The following ELMO1 variants were observed in gnomAD, a reference collection of about 807,000 sequenced individuals.
ELMO1 encodes engulfment and cell motility protein 1.
ELMO1 carries 26 observed loss-of-function variants against 98.9 expected under a neutral mutation model. The ratio of observed to expected loss-of-function variants is 0.26; its 90% confidence interval spans 0.19 to 0.36. The LOEUF (loss-of-function observed/expected upper bound fraction) is 0.36, where lower values mean the gene tolerates loss of function less well. Among genes scored for constraint, ELMO1 ranks in the 10% least tolerant of loss-of-function variants. ELMO1 has a pLI of 1.00. For missense variants in ELMO1, 627 were observed against 935.2 expected, an observed-to-expected ratio of 0.67 and a Z score of 4.30; for synonymous variants, 346 against 346.0, an observed-to-expected ratio of 1.00 and a Z score of 0.00.
intron 16 of ELMO1, among the ~76,000 whole-genome samples, chr7:36,980,484 T>G (rs1790953760): frequency 6.6e-6 from 1 of 152,236 alleles, no homozygotes; most frequent in Non-Finnish European, 1.5e-5. Flanking sequence ...AGTTTACCCA[T>G]GTAAAGTTGC....
intron 13 of ELMO1, among the ~76,000 whole-genome samples, chr7:37,210,156 C>T: frequency 6.6e-6 from 1 of 151,930 alleles, no homozygotes; most frequent in Admixed American, 6.6e-5. Context: ...AGCAATTAGA[C>T]AGTATCAAAA....
intron 15 of ELMO1, chr7:37,033,492 TAAA>T (rs35858298): frequency 0.017 from 6,590 of 378,220 alleles, 51 homozygotes; most frequent in Middle Eastern, 0.029. Context: ...TGTTTAGTGT[TAAA>T]AAAAAAAAAA....
chr7:37,043,245 A>G (rs571724594), intron 15 of ELMO1, among the ~76,000 whole-genome samples: 13 of 152,316 alleles, frequency 8.5e-5, no homozygotes, highest in African/African-American at 3.1e-4. Flanking sequence ...AAGCCATAAG[A>G]AAGCCTAAGT....
chr7:37,203,998 G>A (rs1484043381), intron 13 of ELMO1: 1 of 432,718 alleles, frequency 2.3e-6, no homozygotes, highest in South Asian at 1.7e-5. Flanking sequence ...CTTTAGTCTG[G>A]CAGCCACGCT....
chr7:36,907,952 T>C (rs1234539378), intron 16 of ELMO1, among the ~76,000 whole-genome samples: 1 of 152,196 alleles, frequency 6.6e-6, no homozygotes, highest in Non-Finnish European at 1.5e-5. Context: ...ACAGGACGGG[T>C]CAATAACTTT....
intron 15 of ELMO1, among the ~76,000 whole-genome samples, chr7:37,083,072 G>A (rs144289967): frequency 3.3e-5 from 5 of 152,262 alleles, no homozygotes; most frequent in East Asian, 1.9e-4. Context: ...GCATTTCCCC[G>A]CCTAGGAACA....
At chr7:36,893,396 G>A (rs929806418) in intron 17 of ELMO1, among the ~76,000 whole-genome samples, 5 of 152,120 alleles carry the variant, frequency 3.3e-5, no homozygotes, top group Admixed American at 2.0e-4. Context: ...CCCCAGTGGT[G>A]CCTCTTGTCA....
intron 15 of ELMO1, among the ~76,000 whole-genome samples, chr7:37,035,533 A>G (rs1458169975): frequency 1.3e-5 from 2 of 152,318 alleles, no homozygotes; most frequent in Non-Finnish European, 1.5e-5. Context: ...CTTTTTTACA[A>G]TGGTCCTTAT....
intron 16 of ELMO1, among the ~76,000 whole-genome samples, chr7:36,961,638 C>A (rs889516203): frequency 6.6e-6 from 1 of 152,144 alleles, no homozygotes; most frequent in African/African-American, 2.4e-5. Context: ...AAATCTTTTT[C>A]TTTTTCTTAA....
At chr7:37,136,512 T>G (rs1455640985) in intron 13 of ELMO1, among the ~76,000 whole-genome samples, 1 of 152,088 alleles carries the variant, frequency 6.6e-6, no homozygotes, top group East Asian at 1.9e-4. Flanking sequence ...CCTATCAAAT[T>G]AACAGCAGAT....
At chr7:37,378,062 A>G (rs998511584) in intron 1 of ELMO1, among the ~76,000 whole-genome samples, 5 of 152,178 alleles carry the variant, frequency 3.3e-5, no homozygotes, top group African/African-American at 7.2e-5. Flanking sequence ...TCCCAAGGCA[A>G]TTCCCAAAGA....
chr7:36,954,230 C>T (rs1488114062), intron 16 of ELMO1, among the ~76,000 whole-genome samples: 1 of 152,166 alleles, frequency 6.6e-6, no homozygotes, highest in Admixed American at 6.5e-5. Context: ...GCACCTTCCT[C>T]ATTCACAGGT....
At chr7:36,964,777 A>C (rs1789269179) in intron 16 of ELMO1, among the ~76,000 whole-genome samples, 1 of 152,202 alleles carries the variant, frequency 6.6e-6, no homozygotes, top group Non-Finnish European at 1.5e-5. Flanking sequence ...GCGCATACAC[A>C]ACGCATACGT....
intron 6 of ELMO1, among the ~76,000 whole-genome samples, chr7:37,258,344 G>A (rs923648411): frequency 6.6e-6 from 1 of 152,136 alleles, no homozygotes; most frequent in Non-Finnish European, 1.5e-5. Context: ...AGGAGGCTGA[G>A]GTGGGAGGAT....
intron 16 of ELMO1, among the ~76,000 whole-genome samples, chr7:36,944,461 C>T (rs1184646658): frequency 1.3e-5 from 2 of 152,224 alleles, no homozygotes; most frequent in Non-Finnish European, 2.9e-5. Context: ...ATGATTTTCA[C>T]TCTACTCCTG....
At chr7:37,371,901 T>C (rs1003421613) in intron 1 of ELMO1, among the ~76,000 whole-genome samples, 1 of 152,224 alleles carries the variant, frequency 6.6e-6, no homozygotes, top group South Asian at 2.1e-4. Flanking sequence ...CAGGGAGAGA[T>C]GGGTTGGGGG....
intron 16 of ELMO1, among the ~76,000 whole-genome samples, chr7:36,958,860 T>G (rs1193695202): frequency 6.7e-6 from 1 of 150,316 alleles, no homozygotes; most frequent in Non-Finnish European, 1.5e-5. Context: ...TGATCTGATC[T>G]AGTATCAATT....
chr7:37,232,404 A>T (rs1475319941), intron 8 of ELMO1, among the ~76,000 whole-genome samples: 1 of 152,262 alleles, frequency 6.6e-6, no homozygotes, highest in Non-Finnish European at 1.5e-5. Context: ...CCATGATTTA[A>T]TCTACATTTA....
intron 16 of ELMO1, among the ~76,000 whole-genome samples, chr7:36,928,964 C>T (rs548061504): frequency 6.6e-6 from 1 of 152,336 alleles, no homozygotes; most frequent in East Asian, 1.9e-4. Flanking sequence ...TCATGGGCAA[C>T]CATCACCTAT....
Sources: allele counts gnomAD v4.1 joint callset (sites outside exome capture counted in the v4.1 genomes callset), GRCh38; gene constraint gnomAD v4.1.1; transcripts MANE v1.5; gene names NCBI Gene and HGNC (gene_info 2026-07-23, HGNC 2026-07-21).